The following HDHD5 variants were observed in gnomAD, a reference collection of about 807,000 sequenced individuals.
HDHD5 encodes haloacid dehalogenase like hydrolase domain containing 5, also known as haloacid dehalogenase-like hydrolase domain-containing 5.
A neutral mutation model predicts 35.5 loss-of-function variants in HDHD5; 34 were observed. That is an observed-to-expected ratio of 0.96 (90% CI 0.73 to 1.28). The LOEUF (loss-of-function observed/expected upper bound fraction) is 1.28, where lower values mean the gene tolerates loss of function less well. Among genes scored for constraint, HDHD5 ranks in the 50% most tolerant of loss-of-function variants. The pLI is 0.00. For missense variants in HDHD5, 589 were observed against 560.2 expected, an observed-to-expected ratio of 1.05 and a Z score of -0.52; for synonymous variants, 248 against 240.6, an observed-to-expected ratio of 1.03 and a Z score of -0.29.
chr22:17,143,430 G>A (rs981457514), intron 4 of HDHD5: 5 of 324,180 alleles, frequency 1.5e-5, no homozygotes, highest in Non-Finnish European at 2.2e-5. Context: ...AGCCAAGCAA[G>A]AGTCTAAAAT....
intron 1 of HDHD5, among the ~76,000 whole-genome samples, chr22:17,157,113 CA>C (rs1555881536): frequency 1.4e-5 from 2 of 144,994 alleles, no homozygotes; most frequent in Admixed American, 1.4e-4. Flanking sequence ...CACACACACA[CA>C]AAAGAAAAAA....
chr22:17,159,298 C>T (rs1344805189), upstream of HDHD5: 2 of 1,224,364 alleles, frequency 1.6e-6, no homozygotes, highest in Non-Finnish European at 2.0e-6. Flanking sequence ...CCCCCCCCCC[C>T]GCGAGTCCGT....
upstream of HDHD5, among the ~76,000 whole-genome samples, chr22:17,160,073 C>T (rs2061852271): frequency 6.6e-6 from 1 of 152,218 alleles, no homozygotes; most frequent in Non-Finnish European, 1.5e-5. Flanking sequence ...AAGAGGTCTC[C>T]ATTCCCACCG....
intron 1 of HDHD5, 97 bp downstream of exon 1, chr22:17,159,029 G>A (rs1244311087): frequency 7.4e-6 from 8 of 1,083,766 alleles, no homozygotes; most frequent in Non-Finnish European, 9.1e-6. Context: ...CCAGGAGGCT[G>A]GGATACCAGC....
intron 1 of HDHD5, among the ~76,000 whole-genome samples, chr22:17,155,976 C>A (rs1450666425): frequency 6.6e-6 from 1 of 152,104 alleles, no homozygotes; most frequent in Non-Finnish European, 1.5e-5. Flanking sequence ...ACATGAACTC[C>A]AACGCCAAAA....
chr22:17,153,635 T>C (rs1337488381), intron 1 of HDHD5, among the ~76,000 whole-genome samples: 1 of 152,172 alleles, frequency 6.6e-6, no homozygotes, highest in South Asian at 2.1e-4. Context: ...AAAGTAACCA[T>C]AGCACTTTTC....
At position 17,159,268 on chromosome 22, in the gene HDHD5, G is replaced by A. The variant is rs1357845988; in HGVS notation, c.-17C>T. 2.4e-6 allele frequency: 3 copies of A among 1,227,666 alleles called. No individual in the cohort carries two copies. The highest frequency in any genetic ancestry group is 1.9e-5 in the South Asian group (1 of 52,084). The allele number at this position is 1,227,666 out of a possible 1,614,324, so 76.0% of individuals were successfully genotyped here. On this transcript the variant is annotated 5_prime_UTR_variant, in exon 1 of 8. Transcript: ENST00000336737. The stretch of plus-strand genomic sequence containing the variant: ...CGCAGCCATCCGGCCGTCGCCGTGC[G>A]CACGTGCACGGCGTGCGGCCCCCCC...
chr22:17,154,605 G>A (rs2061763564), intron 1 of HDHD5, among the ~76,000 whole-genome samples: 1 of 142,100 alleles, frequency 7.0e-6, no homozygotes, highest in Admixed American at 7.6e-5. Context: ...TGTTCAGAAT[G>A]TCCTTATTTT....
intron 5 of HDHD5, 168 bp downstream of exon 5, chr22:17,142,930 A>G (rs777436393): frequency 1.1e-5 from 7 of 629,550 alleles, no homozygotes; most frequent in Non-Finnish European, 1.9e-5. Flanking sequence ...AAGACTAACA[A>G]CAGTCTCAGA....
intron 6 of HDHD5, 79 bp downstream of exon 6, chr22:17,140,980 T>TG: frequency 7.4e-7 from 1 of 1,354,594 alleles, no homozygotes; most frequent in Non-Finnish European, 9.9e-7. Context: ...TCAGGACGGA[T>TG]GGGAACTGCC....
Position 17,138,256 on chromosome 22 carries a change from C to T in HDHD5, c.1037G>A (p.Arg346Gln), listed in dbSNP as rs1409795302. 6.2e-7 allele frequency: 1 copy of T among 1,614,208 alleles called. No individual in the cohort carries two copies. Among genetic ancestry groups the T allele is most frequent in the African/African-American group, 1.3e-5 (1 of 75,046 alleles). The change falls in exon 8 of 8, where the codon CGG (arginine) becomes CAG (glutamine). Residue 346 changes from arginine (R) to glutamine (Q), a missense_variant. Physicochemically the swap from Arg to Gln is conservative, Grantham distance 43. Coordinates refer to ENST00000336737, the MANE Select transcript of HDHD5 (RefSeq NM_033070.3). ...CTGGCTTGCTGAGGGCTGTTGCTGC[C>T]GTGTGCCCCCGGCCCCTAGTTCTGG... ...GAPELGAGGTRQQQPSASQSC... is the reference protein window; with the variant it reads ...GAPELGAGGTQQQQPSASQSC...
intron 7 of HDHD5, 54 bp from the exon 8 acceptor site, chr22:17,138,411 A>G: frequency 1.3e-6 from 2 of 1,573,868 alleles, no homozygotes; most frequent in African/African-American, 1.4e-5. Context: ...CCCTAAATCA[A>G]TGTTGCAAAG....
rs541309054 is a variant in HDHD5 at position 17,155,534 on chromosome 22, C to T, written c.126+3592G>A. 6.6e-5 allele frequency among the ~76,000 whole-genome samples: 10 copies of T among 152,174 alleles called. No homozygotes were observed. The East Asian group carries it at 1.2e-3, about 18-fold the overall frequency. ...TGCTGGGATTACAGGCATGACCCAC[C>T]GCGCCCGGCCCAAGATCTGCTTTCT... On this transcript the variant is annotated intron_variant, in intron 1 of 7. Transcript: ENST00000336737.
intron 1 of HDHD5, among the ~76,000 whole-genome samples, chr22:17,151,690 A>G (rs955971591): frequency 1.4e-5 from 2 of 146,392 alleles, no homozygotes; most frequent in Non-Finnish European, 3.0e-5. Context: ...GGATCGTGCC[A>G]CTGCACTTAA....
At chr22:17,164,350 A>G (rs534283004) in intron 1 of HDHD5, among the ~76,000 whole-genome samples, 1 of 152,196 alleles carries the variant, frequency 6.6e-6, no homozygotes, top group East Asian at 1.9e-4. Flanking sequence ...CACATTTTCT[A>G]TTAGTTAGGA....
upstream of HDHD5, chr22:17,159,670 G>A (rs2123883576): frequency 3.1e-6 from 1 of 324,682 alleles, no homozygotes; most frequent in South Asian, 2.1e-5. Context: ...GTGATGTTCA[G>A]GTCCTCTGGG....
intron 1 of HDHD5, among the ~76,000 whole-genome samples, chr22:17,150,639 C>T (rs2061716035): frequency 6.6e-6 from 1 of 152,086 alleles, no homozygotes; most frequent in Admixed American, 6.5e-5. Context: ...CTGCCTCACT[C>T]TCCCGAATAG....
intron 1 of HDHD5, among the ~76,000 whole-genome samples, chr22:17,157,173 ATGTGT>A (rs544172872): frequency 4.3e-4 from 65 of 152,220 alleles, no homozygotes; most frequent in Non-Finnish European, 6.9e-4. Flanking sequence ...CAGCTGTACA[ATGTGT>A]TGTGTTTTAA....
At chr22:17,159,067 C>G (rs1360727217) in intron 1 of HDHD5, 59 bp downstream of exon 1, 2 of 1,203,876 alleles carry the variant, frequency 1.7e-6, no homozygotes, top group East Asian at 6.8e-5. Context: ...CCCGCGGCTC[C>G]CCGCCCCGCC....
Sources: gnomAD v4.1 joint callset for allele counts (sites outside exome capture counted in the v4.1 genomes callset) on GRCh38, gnomAD v4.1.1 for gene constraint, MANE v1.5 for transcripts, NCBI Gene and HGNC (gene_info 2026-07-23, HGNC 2026-07-21) for gene names.